SHISA9: variants seen among roughly 807,000 people sequenced by gnomAD.
SHISA9 encodes protein shisa-9.
In SHISA9, 13 loss-of-function variants were observed where a neutral mutation model predicts 38.0. That is an observed-to-expected ratio of 0.34 (90% CI 0.22 to 0.54). SHISA9 has a LOEUF of 0.54. SHISA9 is among the 20% of genes least tolerant of loss of function. The pLI is 0.91. For missense variants in SHISA9, 538 were observed against 575.8 expected (o/e 0.93, Z 0.67); for synonymous variants, 275 against 242.0 (o/e 1.14, Z -1.27).
At chr16:13,060,573 G>A (rs187571407) in intron 2 of SHISA9, among the ~76,000 whole-genome samples, 19 of 149,378 alleles carry the variant, frequency 1.3e-4, no homozygotes, top group South Asian at 4.3e-4. Context: ...GGAGGCTGAG[G>A]CAAGAGGATC....
the SHISA9 span, among the ~76,000 whole-genome samples, chr16:13,431,216 C>A: frequency 6.6e-6 from 1 of 152,182 alleles, no homozygotes; most frequent in Non-Finnish European, 1.5e-5. Context: ...GCTTAGGTGC[C>A]TTTTTCTCCA....
chr16:13,453,638 C>T, the SHISA9 span, among the ~76,000 whole-genome samples: 2 of 152,328 alleles, frequency 1.3e-5, no homozygotes, highest in East Asian at 3.9e-4. Context: ...GGAACGAGCC[C>T]ACCCGAATTG....
chr16:13,287,438 A>G, the SHISA9 span, among the ~76,000 whole-genome samples: 1 of 152,194 alleles, frequency 6.6e-6, no homozygotes, highest in Non-Finnish European at 1.5e-5. Context: ...AAGCTGAAAA[A>G]CCAGAAGGAC....
chr16:12,966,461 C>T (rs576406724), intron 2 of SHISA9, among the ~76,000 whole-genome samples: 73 of 152,248 alleles, frequency 4.8e-4, no homozygotes, highest in African/African-American at 1.7e-3. Flanking sequence ...CACCATGTTG[C>T]CCAGGCTGGT....
chr16:13,452,980 C>A, the SHISA9 span, among the ~76,000 whole-genome samples: 2 of 152,006 alleles, frequency 1.3e-5, no homozygotes, highest in African/African-American at 4.8e-5. Context: ...GCAATCTCAG[C>A]TCACTGCAAC....
chr16:13,352,591 G>A, the SHISA9 span, among the ~76,000 whole-genome samples: 4 of 151,854 alleles, frequency 2.6e-5, no homozygotes, highest in African/African-American at 4.8e-5. Flanking sequence ...TTTCATGCGC[G>A]TCCGTGTGAA....
chr16:13,289,371 C>T, the SHISA9 span, among the ~76,000 whole-genome samples: 4 of 22,626 alleles, frequency 1.8e-4, no homozygotes, highest in Non-Finnish European at 2.6e-4. Context: ...GGTGGGGGGG[C>T]GGGAGGGTTG....
chr16:13,002,670 T>A (rs2072540571), intron 2 of SHISA9, among the ~76,000 whole-genome samples: 1 of 151,614 alleles, frequency 6.6e-6, no homozygotes, highest in Admixed American at 6.6e-5. Context: ...GTAGCTGGGA[T>A]TACAGATGCG....
intron 2 of SHISA9, among the ~76,000 whole-genome samples, chr16:12,975,652 G>GT (rs2072149408): frequency 6.9e-6 from 1 of 145,190 alleles, no homozygotes; most frequent in East Asian, 2.2e-4. Flanking sequence ...GGGTGGGACG[G>GT]GGGCGGGGGG....
At chr16:13,353,525 G>A in the SHISA9 span, among the ~76,000 whole-genome samples, 2 of 151,730 alleles carry the variant, frequency 1.3e-5, no homozygotes, top group Non-Finnish European at 2.9e-5. Flanking sequence ...GCATGTGTGA[G>A]TAGTTGAGAT....
chr16:13,344,152 C>T, the SHISA9 span, among the ~76,000 whole-genome samples: 2 of 152,160 alleles, frequency 1.3e-5, no homozygotes, highest in Admixed American at 6.5e-5. Context: ...AATTATTTTA[C>T]TTATAATGAA....
At chr16:13,123,342 T>C (rs2050230180) in intron 2 of SHISA9, among the ~76,000 whole-genome samples, 1 of 152,258 alleles carries the variant, frequency 6.6e-6, no homozygotes, top group Non-Finnish European at 1.5e-5. Flanking sequence ...TGGGATTGGC[T>C]TGGGCCATGG....
At chr16:13,137,039 T>C (rs1458527827) in intron 2 of SHISA9, among the ~76,000 whole-genome samples, 1 of 152,238 alleles carries the variant, frequency 6.6e-6, no homozygotes, top group African/African-American at 2.4e-5. Context: ...ATGACACACA[T>C]GATACCACCT....
At chr16:13,077,463 A>T (rs564436374) in intron 2 of SHISA9, among the ~76,000 whole-genome samples, 1 of 152,092 alleles carries the variant, frequency 6.6e-6, no homozygotes, top group Non-Finnish European at 1.5e-5. Flanking sequence ...GTACCAGGTG[A>T]TGCTCTCTGG....
intron 1 of SHISA9, among the ~76,000 whole-genome samples, chr16:12,906,885 C>A (rs984770734): frequency 2.6e-5 from 4 of 152,124 alleles, no homozygotes; most frequent in African/African-American, 9.7e-5. Context: ...CCAGTTTTGA[C>A]AGTGAAAAAT....
intron 2 of SHISA9, among the ~76,000 whole-genome samples, chr16:13,008,235 G>A (rs978326304): frequency 6.6e-6 from 1 of 152,028 alleles, no homozygotes; most frequent in Non-Finnish European, 1.5e-5. Flanking sequence ...CCTCTTCCAG[G>A]GGTCCAAATT....
intron 2 of SHISA9, among the ~76,000 whole-genome samples, chr16:12,922,183 T>C (rs1308098875): frequency 1.3e-5 from 2 of 152,276 alleles, no homozygotes; most frequent in Admixed American, 1.3e-4. Context: ...ATATGCTAAG[T>C]AAATGGAAAT....
At chr16:13,405,261 T>C in the SHISA9 span, among the ~76,000 whole-genome samples, 3 of 152,202 alleles carry the variant, frequency 2.0e-5, no homozygotes, top group Admixed American at 2.0e-4. Context: ...AACCCAGTCC[T>C]AGTGAAAGGA....
At chr16:13,526,466 C>G in the SHISA9 span, among the ~76,000 whole-genome samples, 1,123 of 152,284 alleles carry the variant, frequency 7.4e-3, 15 homozygotes, top group African/African-American at 0.026. Flanking sequence ...TCACTGCCAC[C>G]TCTGCCTCCT....
Sources: gnomAD v4.1 joint callset for allele counts (sites outside exome capture counted in the v4.1 genomes callset) on GRCh38, gnomAD v4.1.1 for gene constraint, MANE v1.5 for transcripts, NCBI Gene and HGNC (gene_info 2026-07-23, HGNC 2026-07-21) for gene names.